Variants in DGKI observed in about 807,000 individuals in gnomAD.
The protein encoded by DGKI is diacylglycerol kinase iota.
A neutral mutation model predicts 147.5 loss-of-function variants in DGKI; 55 were observed. The ratio of observed to expected loss-of-function variants is 0.37; its 90% CI spans 0.30 to 0.47. DGKI has a LOEUF of 0.47. Ranked by LOEUF, DGKI falls within the 20% of genes least tolerant of loss-of-function variation. The pLI is 1.00. For missense variants in DGKI, 1,007 were observed against 1,323.8 expected (o/e 0.76, Z 3.71); for synonymous variants, 469 against 477.1 (o/e 0.98, Z 0.22).
intron 1 of DGKI, among the ~76,000 whole-genome samples, chr7:137,697,698 A>T (rs2116492157): frequency 6.6e-6 from 1 of 152,302 alleles, no homozygotes; most frequent in South Asian, 2.1e-4. Flanking sequence ...AAATATACAG[A>T]AACAACAAAA....
At chr7:137,781,520 A>G (rs1397545713) in intron 1 of DGKI, among the ~76,000 whole-genome samples, 1 of 152,134 alleles carries the variant, frequency 6.6e-6, no homozygotes, top group East Asian at 1.9e-4. Flanking sequence ...GGGGTCTGAG[A>G]CTGAGGCTAG....
chr7:137,732,579 C>T (rs1306641340), intron 1 of DGKI, among the ~76,000 whole-genome samples: 1 of 151,998 alleles, frequency 6.6e-6, no homozygotes, highest in African/African-American at 2.4e-5. Context: ...TAGACACTGT[C>T]TGAATGGTGC....
intron 1 of DGKI, among the ~76,000 whole-genome samples, chr7:137,741,811 A>G (rs76932647): frequency 6.6e-6 from 1 of 152,338 alleles, no homozygotes; most frequent in Non-Finnish European, 1.5e-5. Flanking sequence ...GATCTGGAAA[A>G]GCATGGTCAA....
At chr7:137,598,951 TAAC>T (rs1819890954) in intron 11 of DGKI, among the ~76,000 whole-genome samples, 2 of 152,150 alleles carry the variant, frequency 1.3e-5, no homozygotes, top group Non-Finnish European at 1.5e-5. Context: ...GTTAAGAAAA[TAAC>T]AAATTAATTT....
chr7:137,428,915 A>G (rs1482254884), intron 28 of DGKI, among the ~76,000 whole-genome samples: 2 of 152,190 alleles, frequency 1.3e-5, no homozygotes. Context: ...ACACAAAGAA[A>G]TGGAACAACA....
At chr7:137,659,763 T>A (rs968521387) in intron 3 of DGKI, among the ~76,000 whole-genome samples, 1 of 152,156 alleles carries the variant, frequency 6.6e-6, no homozygotes, top group African/African-American at 2.4e-5. Context: ...AAAGCTCGTC[T>A]CTACTAAAAA....
At chr7:137,758,334 A>G (rs2116792114) in intron 1 of DGKI, among the ~76,000 whole-genome samples, 1 of 152,288 alleles carries the variant, frequency 6.6e-6, no homozygotes, top group Middle Eastern at 3.4e-3. Flanking sequence ...TCTGGTAGAA[A>G]AGGAAGGGAG....
At chr7:137,751,474 A>G (rs750590515) in intron 1 of DGKI, among the ~76,000 whole-genome samples, 8 of 152,196 alleles carry the variant, frequency 5.3e-5, no homozygotes, top group Admixed American at 1.3e-4. Flanking sequence ...GTATCTTTTC[A>G]TATATTTTTA....
intron 28 of DGKI, 144 bp from the exon 29 acceptor site, chr7:137,412,351 A>G (rs1812195092): frequency 5.3e-6 from 4 of 751,804 alleles, no homozygotes; most frequent in South Asian, 3.2e-5. Flanking sequence ...AAGCAGACCG[A>G]GGCCCCCTCT....
chr7:137,464,084 T>G (rs1814556018), intron 26 of DGKI, among the ~76,000 whole-genome samples: 1 of 151,468 alleles, frequency 6.6e-6, no homozygotes, highest in South Asian at 2.1e-4. Context: ...TTATTTGACA[T>G]GAAGAAAACG....
At chr7:137,416,890 G>A (rs1030108701) in intron 28 of DGKI, among the ~76,000 whole-genome samples, 4 of 152,146 alleles carry the variant, frequency 2.6e-5, no homozygotes, top group South Asian at 2.1e-4. Flanking sequence ...GATGTGAAAA[G>A]CATGAATATT....
intron 27 of DGKI, among the ~76,000 whole-genome samples, chr7:137,461,459 T>G (rs939892390): frequency 2.0e-5 from 3 of 152,238 alleles, no homozygotes; most frequent in African/African-American, 7.2e-5. Flanking sequence ...AGAGATGATG[T>G]CTGAAGGAAA....
intron 1 of DGKI, among the ~76,000 whole-genome samples, chr7:137,835,680 T>C (rs1798356956): frequency 6.6e-6 from 1 of 152,196 alleles, no homozygotes; most frequent in Admixed American, 6.5e-5. Context: ...ACAATGGCAA[T>C]GAGGTCATCC....
rs138543947 is a variant in DGKI at position 137,622,490 on chromosome 7, T to G, written c.876+993A>C. Among the ~76,000 whole-genome samples, 100 of 152,324 alleles carry G rather than the reference T, an allele frequency of 6.6e-4. 1 individual carries two copies. Among genetic ancestry groups the G allele is most frequent in the African/African-American group, 2.3e-3 (96 of 41,574 alleles). On this transcript the variant is annotated intron_variant, in intron 7 of 32. Transcript: ENST00000614521. ...ATTACAGCAGGCATCAGCAAACTTTTTCTATAAAGGCACAGGGAATAAATA... is the reference window on the plus strand; with the variant it reads ...ATTACAGCAGGCATCAGCAAACTTTGTCTATAAAGGCACAGGGAATAAATA...
intron 1 of DGKI, among the ~76,000 whole-genome samples, chr7:137,812,941 G>A (rs558469913): frequency 2.6e-5 from 4 of 152,172 alleles, no homozygotes; most frequent in African/African-American, 4.8e-5. Context: ...ACAATGCACC[G>A]AAGTACAGAA....
intron 28 of DGKI, among the ~76,000 whole-genome samples, chr7:137,438,890 C>T (rs1477139035): frequency 6.6e-6 from 1 of 152,084 alleles, no homozygotes; most frequent in Non-Finnish European, 1.5e-5. Flanking sequence ...TACACACACA[C>T]ATATACACAC....
intron 1 of DGKI, among the ~76,000 whole-genome samples, chr7:137,739,498 C>A (rs1427357723): frequency 2.0e-5 from 3 of 152,176 alleles, no homozygotes; most frequent in Non-Finnish European, 4.4e-5. Flanking sequence ...AACGACTAGA[C>A]CTCGAGATCC....
chr7:137,582,993 T>G (rs992654878), intron 14 of DGKI, among the ~76,000 whole-genome samples: 2 of 152,176 alleles, frequency 1.3e-5, no homozygotes, highest in South Asian at 4.1e-4. Context: ...ATTTCAAAAG[T>G]ATGTTTTTTA....
At chr7:137,794,669 G>A (rs1796969506) in intron 1 of DGKI, among the ~76,000 whole-genome samples, 1 of 152,180 alleles carries the variant, frequency 6.6e-6, no homozygotes, top group African/African-American at 2.4e-5. Flanking sequence ...GATAGCAAGT[G>A]TATCTCAAGA....
Sources: gnomAD v4.1 joint callset for allele counts (sites outside exome capture counted in the v4.1 genomes callset) on GRCh38, gnomAD v4.1.1 for gene constraint, MANE v1.5 for transcripts, NCBI Gene and HGNC (gene_info 2026-07-23, HGNC 2026-07-21) for gene names.